SCYL3: variants seen among roughly 807,000 people sequenced by gnomAD.
SCYL3 encodes SCY1 like pseudokinase 3.
Under a neutral mutation model 73.8 loss-of-function variants are expected in SCYL3, and 35 were observed. The ratio of observed to expected loss-of-function variants is 0.47; its 90% CI spans 0.36 to 0.63. The LOEUF (loss-of-function observed/expected upper bound fraction) is 0.63, where lower values mean the gene tolerates loss of function less well. SCYL3 is among the 20% of genes least tolerant of loss of function. SCYL3 has a pLI of 0.00. For synonymous variants in SCYL3, 277 were observed against 295.2 expected (o/e 0.94, Z 0.63); for missense variants, 712 against 798.9 (o/e 0.89, Z 1.31).
chr1:169,879,596 A>G (rs1279673495), intron 2 of SCYL3, among the ~76,000 whole-genome samples: 1 of 152,216 alleles, frequency 6.6e-6, no homozygotes, highest in African/African-American at 2.4e-5. Context: ...GCATTTTCCA[A>G]AGGATTATAA....
At chr1:169,857,330 G>A (rs1227891304) in intron 11 of SCYL3, among the ~76,000 whole-genome samples, 1 of 152,206 alleles carries the variant, frequency 6.6e-6, no homozygotes, top group Non-Finnish European at 1.5e-5. Context: ...TAAAGAAAAT[G>A]ATGTAGTATT....
At chr1:169,877,870 C>A (rs962497452) in intron 3 of SCYL3, among the ~76,000 whole-genome samples, 1 of 152,172 alleles carries the variant, frequency 6.6e-6, no homozygotes, top group Non-Finnish European at 1.5e-5. Flanking sequence ...ATAAATCCAA[C>A]ATGATATTTG....
Position 169,851,714 on chromosome 1 carries a change from C to T in SCYL3, c.*1999G>A. 7.1e-7 allele frequency: 1 copy of T among 1,402,392 alleles called. No individual in the cohort carries two copies. The allele number at this position is 1,402,392 out of a possible 1,614,324, so 86.9% of individuals were successfully genotyped here. A position where few individuals can be genotyped will look rare whatever the true frequency, so the allele number is the denominator to read the frequency against. Reference sequence around the variant, plus strand: ...CAGTCCATGTGACTTCCAGAATTTGCCTAGTATGGTTGAACACTCAGCACT... The same window carrying T: ...CAGTCCATGTGACTTCCAGAATTTGTCTAGTATGGTTGAACACTCAGCACT... On this transcript the variant is annotated 3_prime_UTR_variant, in exon 13 of 13. Coordinates refer to ENST00000367771, the MANE Select transcript of SCYL3 (RefSeq NM_020423.7).
At chr1:169,876,158 A>G in intron 3 of SCYL3, 67 bp from the exon 4 acceptor site, 1 of 954,986 alleles carries the variant, frequency 1.0e-6, no homozygotes, top group Non-Finnish European at 1.5e-6. Flanking sequence ...TTACTTCAAA[A>G]GATGTTTTTC....
rs1660107730 is a variant in SCYL3, at chr1:169,867,425, G to T, written c.738-452C>A. Among the ~76,000 whole-genome samples, 6 of 152,314 alleles carry T rather than the reference G, an allele frequency of 3.9e-5. No individual in the cohort carries two copies. The South Asian group carries it at 1.2e-3, about 32-fold the overall frequency. Reference sequence around the variant, plus strand: ...CATTTCTCCTGCTGTAAGTTACTTGGTCATTCTTTCAGCCAGGCAGGGATT... The same window carrying T: ...CATTTCTCCTGCTGTAAGTTACTTGTTCATTCTTTCAGCCAGGCAGGGATT... On this transcript the variant is annotated intron_variant, in intron 7 of 12. Transcript: ENST00000367771.
chr1:169,885,490 T>C (rs549300814), intron 2 of SCYL3, among the ~76,000 whole-genome samples: 2 of 152,354 alleles, frequency 1.3e-5, no homozygotes, highest in African/African-American at 2.4e-5. Context: ...CTGTTAAATA[T>C]GTTAAGTAAA....
intron 4 of SCYL3, among the ~76,000 whole-genome samples, chr1:169,874,368 A>G (rs1660642531): frequency 6.6e-6 from 1 of 152,234 alleles, no homozygotes; most frequent in Non-Finnish European, 1.5e-5. Flanking sequence ...AATGTAAACT[A>G]AGAATCTCCA....
rs1658016194 is a variant in SCYL3 at position 169,850,613 on chromosome 1, T to C, written c.*3100A>G. ...GAGTTCAAGACCAGCCTGGCCAACA[T>C]GGGGAAACCCTGTTTCTACTAAAAA... On this transcript the variant is annotated 3_prime_UTR_variant, in exon 13 of 13. Coordinates refer to ENST00000367771, the MANE Select transcript of SCYL3 (RefSeq NM_020423.7). The C allele has an allele frequency of 7.6e-6, 2 of 262,202 alleles. No homozygotes were observed. The highest frequency in any genetic ancestry group is 7.4e-6 in the Non-Finnish European group (1 of 135,556). 16.2% of individuals were successfully genotyped at this position (262,202 alleles called of 1,614,324 possible). A position where few individuals can be genotyped will look rare whatever the true frequency, so the allele number is the denominator to read the frequency against.
In SCYL3 at chr1:169,850,985, T is replaced by C. The variant is rs1658121024; in HGVS notation, c.*2728A>G. On this transcript the variant is annotated 3_prime_UTR_variant, in exon 13 of 13. Transcript: ENST00000367771. Reference sequence around the variant, plus strand: ...TGGGTATAATTTAGGCATGGCTTTTTTTTTTTTTTTTTTTTTTTTTTATTT... The same window carrying C: ...TGGGTATAATTTAGGCATGGCTTTTCTTTTTTTTTTTTTTTTTTTTTATTT... The C allele has an allele frequency of 3.5e-5, 2 of 57,720 alleles. No homozygotes were observed. Among genetic ancestry groups the C allele is most frequent in the Non-Finnish European group, 3.4e-5 (1 of 29,088 alleles). 3.6% of individuals were successfully genotyped at this position (57,720 alleles called of 1,614,324 possible).
At chr1:169,875,576 G>A (rs955725517) in intron 4 of SCYL3, among the ~76,000 whole-genome samples, 10 of 152,172 alleles carry the variant, frequency 6.6e-5, no homozygotes, top group Non-Finnish European at 1.2e-4. Context: ...CACTATTCTA[G>A]GTAGAGGTAT....
intron 10 of SCYL3, among the ~76,000 whole-genome samples, chr1:169,861,130 T>G (rs1449656438): frequency 1.3e-5 from 2 of 152,156 alleles, no homozygotes; most frequent in Admixed American, 1.3e-4. Flanking sequence ...AAATACAAAG[T>G]GCTATGTTGT....
chr1:169,870,967 A>T (rs748251153), intron 5 of SCYL3, among the ~76,000 whole-genome samples: 56 of 152,238 alleles, frequency 3.7e-4, no homozygotes, highest in Non-Finnish European at 6.0e-4. Context: ...TATAGTGGCT[A>T]TAAGAACAAA....
rs1658136280 is a variant in SCYL3, at chr1:169,850,998, T to A, written c.*2715A>T. Reference sequence around the variant, plus strand: ...GGCATGGCTTTTTTTTTTTTTTTTTTTTTTTTTTATTTGGGCAGCCTCCCA... The same window carrying A: ...GGCATGGCTTTTTTTTTTTTTTTTTATTTTTTTTATTTGGGCAGCCTCCCA... On this transcript the variant is annotated 3_prime_UTR_variant, in exon 13 of 13. Transcript: ENST00000367771. The A allele has an allele frequency of 3.7e-5, 2 of 54,308 alleles. No individual in the cohort carries two copies. Among genetic ancestry groups the A allele is most frequent in the Non-Finnish European group, 7.8e-5 (2 of 25,506 alleles). The allele number at this position is 54,308 out of a possible 1,614,324, so 3.4% of individuals were successfully genotyped here.
At chr1:169,889,266 T>G (rs1462452471) in intron 1 of SCYL3, among the ~76,000 whole-genome samples, 1 of 152,180 alleles carries the variant, frequency 6.6e-6, no homozygotes, top group Non-Finnish European at 1.5e-5. Flanking sequence ...ACAATAAAAC[T>G]TCTGTATGTA....
In SCYL3 at chr1:169,850,979, G is replaced by GT. The variant is rs1558102565; in HGVS notation, c.*2733_*2734insA. 6 of 62,590 alleles carry GT rather than the reference G, an allele frequency of 9.6e-5. No homozygotes were observed. The highest frequency in any genetic ancestry group is 5.4e-4 in the African/African-American group (6 of 11,022). The allele number at this position is 62,590 out of a possible 1,614,324, so 3.9% of individuals were successfully genotyped here. ...ATATTTTGGGTATAATTTAGGCATGGCTTTTTTTTTTTTTTTTTTTTTTTT... is the reference window on the plus strand; with the variant it reads ...ATATTTTGGGTATAATTTAGGCATGGTCTTTTTTTTTTTTTTTTTTTTTTTT... On this transcript the variant is annotated 3_prime_UTR_variant, in exon 13 of 13. Coordinates refer to ENST00000367771, the MANE Select transcript of SCYL3 (RefSeq NM_020423.7).
intron 3 of SCYL3, 37 bp downstream of exon 3, chr1:169,878,597 A>G (rs771700496): frequency 1.3e-6 from 2 of 1,526,284 alleles, no homozygotes; most frequent in Non-Finnish European, 8.9e-7. Context: ...CCCCATCTAC[A>G]TCAAAGTCTG....
At chr1:169,874,383 C>T (rs900122737) in intron 4 of SCYL3, among the ~76,000 whole-genome samples, 2 of 152,166 alleles carry the variant, frequency 1.3e-5, no homozygotes, top group African/African-American at 4.8e-5. Flanking sequence ...TCTCCATAAA[C>T]GTGCTAAGTG....
In SCYL3 at chr1:169,882,008, C is replaced by T. The variant is rs191445972; in HGVS notation, c.166-3189G>A. ...TCCTCTACCTGGGTTTCCACTTTGACGGCACTTGAGGAGCCCTTCAGCCCA... is the reference window on the plus strand; with the variant it reads ...TCCTCTACCTGGGTTTCCACTTTGATGGCACTTGAGGAGCCCTTCAGCCCA... On this transcript the variant is annotated intron_variant, in intron 2 of 12. Transcript: ENST00000367771. Among the ~76,000 whole-genome samples the T allele has an allele frequency of 5.3e-3, 807 of 152,366 alleles. 2 individuals are homozygous for T. The highest frequency in any genetic ancestry group is 8.8e-3 in the Non-Finnish European group (596 of 68,034).
rs1273542477 is a variant in SCYL3, at chr1:169,850,349, C to G, written c.*3364G>C. ...AGTTGTATCCTTTCTGGAGAAGGTA[C>G]TTTCTTTACATGGCTCATGTTTTAT... On this transcript the variant is annotated 3_prime_UTR_variant, in exon 13 of 13. Coordinates refer to ENST00000367771, the MANE Select transcript of SCYL3 (RefSeq NM_020423.7). 1.9e-6 allele frequency: 3 copies of G among 1,585,854 alleles called. No homozygotes were observed. In the Admixed American group the frequency reaches 5.1e-5, roughly 27 times the overall value.
Sources: allele counts gnomAD v4.1 joint callset (sites outside exome capture counted in the v4.1 genomes callset), GRCh38; gene constraint gnomAD v4.1.1; transcripts MANE v1.5; gene names NCBI Gene and HGNC (gene_info 2026-07-23, HGNC 2026-07-21).